VCL: variants seen among roughly 807,000 people sequenced by gnomAD.
VCL encodes the protein epididymis luminal protein 114.
VCL carries 47 observed loss-of-function variants against 125.7 expected under a neutral mutation model. That is an observed-to-expected ratio of 0.37 (90% CI 0.30 to 0.48). The LOEUF (loss-of-function observed/expected upper bound fraction) is 0.48. Ranked by LOEUF, VCL falls within the 20% of genes least tolerant of loss-of-function variation. The pLI is 0.99. For synonymous variants in VCL, 458 were observed against 514.6 expected (o/e 0.89, Z 1.49); for missense variants, 1,069 against 1,455.5 (o/e 0.73, Z 4.32).
At chr10:74,074,030 C>T (rs1476926992) in intron 5 of VCL, among the ~76,000 whole-genome samples, 1 of 152,018 alleles carries the variant, frequency 6.6e-6, no homozygotes, top group Non-Finnish European at 1.5e-5. Flanking sequence ...GAGTTCGAGA[C>T]CAGCCTGGCC....
In VCL at chr10:74,097,216, C is replaced by T. The variant is rs770778046; in HGVS notation, c.1756C>T (p.Arg586Trp). 2.0e-5 allele frequency: 32 copies of T among 1,613,770 alleles called. No homozygotes were observed. Among genetic ancestry groups the T allele is most frequent in the African/African-American group, 2.7e-5 (2 of 74,922 alleles). ...LQDSLKDLKA[R>W]MQEAMTQEVS... ...CAATGTTTTTAAGGATCTAAAAGCT[C>T]GGATGCAGGAGGCCATGACTCAGGA... The change falls in exon 13 of 22, where the codon CGG (arginine) becomes TGG (tryptophan). Residue 586 changes from arginine to tryptophan, a missense_variant. By Grantham distance (101) the Arg-to-Trp change is moderately radical. This residue lies in a region of VCL where 760 missense variants were observed against 928.9 expected (regional missense o/e 0.82). Transcript: ENST00000211998. The surrounding 1 kb of genome is among the most constrained non-coding windows in gnomAD (Gnocchi z 4.1).
chr10:74,097,270 A>G lies in VCL; in HGVS notation c.1810A>G (p.Thr604Ala), dbSNP rs754470470. The change falls in exon 13 of 22, where the codon ACT becomes GCT. Residue 604 changes from threonine to alanine, a missense_variant. Coordinates refer to ENST00000211998, the MANE Select transcript of VCL (RefSeq NM_014000.3). This position sits in a 1 kb window ranked among gnomAD's most constrained non-coding sequence, Gnocchi z 4.1. ...GTCAGATGTTTTCAGCGATACCACA[A>G]CTCCCATCAAGCTGTTGGCAGTGGC... ...EVSDVFSDTT[T>A]PIKLLAVAAT... The G allele has an allele frequency of 4.3e-6, 7 of 1,613,990 alleles. No individual in the cohort carries two copies. Among genetic ancestry groups the G allele is most frequent in the African/African-American group, 1.3e-5 (1 of 75,010 alleles).
chr10:74,097,416 G>C lies in VCL; in HGVS notation c.1872+84G>C. ...TGAAATGTGATTACAGTGGACATCA[G>C]GATCAGTGGTTGGGAAACTGTAGAT... On this transcript the variant is annotated intron_variant, in intron 13 of 21. Coordinates refer to ENST00000211998, the MANE Select transcript of VCL (RefSeq NM_014000.3). This position sits in a 1 kb window ranked among gnomAD's most constrained non-coding sequence, Gnocchi z 4.1. 1.3e-6 allele frequency: 2 copies of C among 1,576,950 alleles called. No homozygotes were observed. The highest frequency in any genetic ancestry group is 2.2e-5 in the South Asian group (2 of 89,942).
At chr10:74,039,385 C>G (rs1273081250) in intron 1 of VCL, among the ~76,000 whole-genome samples, 2 of 152,038 alleles carry the variant, frequency 1.3e-5, no homozygotes, top group African/African-American at 4.8e-5. Context: ...ACTACTATCA[C>G]TCTCCCGGCT....
intron 2 of VCL, among the ~76,000 whole-genome samples, chr10:74,056,624 A>G (rs1357203368): frequency 6.6e-6 from 1 of 152,134 alleles, no homozygotes; most frequent in African/African-American, 2.4e-5. Context: ...GGTGCTGCAT[A>G]CTTGCTACTT....
intron 8 of VCL, among the ~76,000 whole-genome samples, chr10:74,084,237 A>G (rs1839730603): frequency 6.6e-6 from 1 of 152,106 alleles, no homozygotes; most frequent in African/African-American, 2.4e-5. Flanking sequence ...CTGGGATTAC[A>G]GGTGTGAGCC....
chr10:74,010,436 T>C (rs564910272), intron 1 of VCL, among the ~76,000 whole-genome samples: 1 of 152,238 alleles, frequency 6.6e-6, no homozygotes, highest in South Asian at 2.1e-4. Context: ...TTTTTCTTGT[T>C]ACAAAATAAT....
In VCL at chr10:74,120,026, A is replaced by C. The variant is rs1376800829; in HGVS notation, c.*1857A>C. 6.6e-6 allele frequency: 1 copy of C among 151,960 alleles called. No individual in the cohort carries two copies. The highest frequency in any genetic ancestry group is 2.4e-5 in the African/African-American group (1 of 41,376). The allele number at this position is 151,960 out of a possible 1,614,324, so 9.4% of individuals were successfully genotyped here. Reference sequence around the variant, plus strand: ...TGAAGCAAATTAAAAAAAAAAAAAAAAAAAATCCCTGAATGATGATTAGAG... The same window carrying C: ...TGAAGCAAATTAAAAAAAAAAAAAACAAAAATCCCTGAATGATGATTAGAG... On this transcript the variant is annotated 3_prime_UTR_variant, in exon 22 of 22. Coordinates refer to ENST00000211998, the MANE Select transcript of VCL (RefSeq NM_014000.3).
chr10:74,034,887 G>A (rs1018478160), intron 1 of VCL, among the ~76,000 whole-genome samples: 2 of 152,144 alleles, frequency 1.3e-5, no homozygotes, highest in Non-Finnish European at 2.9e-5. Context: ...GTATGACTGA[G>A]GCCTGGTACT....
chr10:74,104,085 G>A (rs1200286034), intron 15 of VCL, among the ~76,000 whole-genome samples, 157 bp downstream of exon 15: 1 of 152,232 alleles, frequency 6.6e-6, no homozygotes, highest in Non-Finnish European at 1.5e-5. Flanking sequence ...CTGAGCAGTG[G>A]CGGCTTCTCA....
chr10:74,120,951 ATAG>A (rs369118550), downstream of VCL: 47 of 152,330 alleles, frequency 3.1e-4, no homozygotes, highest in African/African-American at 1.0e-3. Context: ...ACTGACTAAA[ATAG>A]TAGGAGCAGG....
intron 2 of VCL, among the ~76,000 whole-genome samples, chr10:74,052,847 G>A (rs7071988): frequency 0.016 from 2,332 of 147,468 alleles, 68 homozygotes; most frequent in African/African-American, 0.056. Flanking sequence ...TTACTCTGTT[G>A]AGATAGTCTA....
chr10:74,029,175 G>A (rs1266323752), intron 1 of VCL, among the ~76,000 whole-genome samples: 3 of 151,164 alleles, frequency 2.0e-5, no homozygotes, highest in South Asian at 4.2e-4. Flanking sequence ...GTGCAGTGGC[G>A]TGATCTCGGC....
chr10:74,037,318 C>G (rs1841000013), intron 1 of VCL, among the ~76,000 whole-genome samples: 1 of 152,216 alleles, frequency 6.6e-6, no homozygotes, highest in African/African-American at 2.4e-5. Context: ...TTTCTGTCAT[C>G]AATGGGTTAA....
chr10:74,037,448 C>T (rs984309571), intron 1 of VCL, among the ~76,000 whole-genome samples: 3 of 152,262 alleles, frequency 2.0e-5, no homozygotes, highest in South Asian at 4.1e-4. Context: ...TGGAAGTTCT[C>T]GACTTGTTAT....
intron 2 of VCL, among the ~76,000 whole-genome samples, chr10:74,054,920 C>CA (rs961197985): frequency 8.2e-4 from 120 of 146,036 alleles, no homozygotes; most frequent in African/African-American, 1.5e-3. Context: ...GACTATGTCT[C>CA]AAAAAAAAAC....
At chr10:74,038,933 C>T (rs550825385) in intron 1 of VCL, among the ~76,000 whole-genome samples, 7 of 151,018 alleles carry the variant, frequency 4.6e-5, no homozygotes, top group South Asian at 4.2e-4. Context: ...TTTTTTGAGA[C>T]GGTGTTTTGC....
chr10:74,066,286 C>T (rs1013193785), intron 2 of VCL, among the ~76,000 whole-genome samples: 4 of 151,826 alleles, frequency 2.6e-5, no homozygotes, highest in African/African-American at 9.7e-5. Flanking sequence ...CTTGAACTCC[C>T]GACCTCAGGT....
chr10:74,083,622 T>A (rs1049090954), intron 8 of VCL, 109 bp downstream of exon 8: 1 of 1,324,494 alleles, frequency 7.6e-7, no homozygotes, highest in Non-Finnish European at 1.1e-6. Flanking sequence ...GGCTAGTAGA[T>A]AACAGAGATA....
Sources: allele counts gnomAD v4.1 joint callset (sites outside exome capture counted in the v4.1 genomes callset), GRCh38; gene constraint gnomAD v4.1.1; regional missense constraint gnomAD v4.1.1; non-coding constraint Gnocchi (gnomAD v3.1); transcripts MANE v1.5; gene names NCBI Gene and HGNC (gene_info 2026-07-23, HGNC 2026-07-21).